The following TGFBR1 variants were observed in gnomAD, a reference collection of about 807,000 sequenced individuals.
The protein encoded by TGFBR1 is transforming growth factor beta receptor 1.
Under a neutral mutation model 55.1 loss-of-function variants are expected in TGFBR1, and 20 were observed. The ratio of observed to expected loss-of-function variants is 0.36; its 90% CI spans 0.26 to 0.53. The LOEUF (loss-of-function observed/expected upper bound fraction) is 0.53. Among genes scored for constraint, TGFBR1 ranks in the 20% least tolerant of loss-of-function variants. TGFBR1 has a pLI of 0.91. For missense variants in TGFBR1, 385 were observed against 617.6 expected (o/e 0.62, Z 3.99); for synonymous variants, 220 against 214.8 (o/e 1.02, Z -0.21).
chr9:99,139,990 T>C (rs1001703558), intron 4 of TGFBR1, among the ~76,000 whole-genome samples: 1 of 152,226 alleles, frequency 6.6e-6, no homozygotes, highest in African/African-American at 2.4e-5. Flanking sequence ...CTAAACCTAA[T>C]TGGAGTTTTA....
In TGFBR1 at chr9:99,151,583, T is replaced by C. The variant is rs1231865831; in HGVS notation, c.*2278T>C. On this transcript the variant is annotated 3_prime_UTR_variant, in exon 9 of 9. Coordinates refer to ENST00000374994, the MANE Select transcript of TGFBR1 (RefSeq NM_004612.4). ...CACTTTCATGTAAGGTTATCCACTT[T>C]TGCTGAAGATATTTTTTATTGAATC... The C allele has an allele frequency of 4.3e-6, 1 of 230,158 alleles. No individual in the cohort carries two copies. Among genetic ancestry groups the C allele is most frequent in the Non-Finnish European group, 8.6e-6 (1 of 116,078 alleles). 14.3% of individuals were successfully genotyped at this position (230,158 alleles called of 1,614,324 possible).
At chr9:99,145,503 G>A (rs1827764952) in intron 6 of TGFBR1, among the ~76,000 whole-genome samples, 1 of 152,214 alleles carries the variant, frequency 6.6e-6, no homozygotes, top group African/African-American at 2.4e-5. Context: ...TTAGGTGCAA[G>A]CTGCTTGAGA....
At chr9:99,140,785 T>C (rs1351594075) in intron 4 of TGFBR1, among the ~76,000 whole-genome samples, 1 of 152,216 alleles carries the variant, frequency 6.6e-6, no homozygotes, top group Admixed American at 6.5e-5. Context: ...CAAATCTCCA[T>C]TTGAAAGCTT....
Position 99,144,073 on chromosome 9 carries a change from G to A in TGFBR1, c.974-659G>A, listed in dbSNP as rs1051380917. 2.0e-5 allele frequency among the ~76,000 whole-genome samples: 3 copies of A among 152,138 alleles called. No homozygotes were observed. In the South Asian group the frequency reaches 6.2e-4, roughly 32 times the overall value. ...GATGGACATTTGGTTTGTTTCTTTTGGCCATTGTAGCTAATGCTGCAGTGA... is the reference window on the plus strand; with the variant it reads ...GATGGACATTTGGTTTGTTTCTTTTAGCCATTGTAGCTAATGCTGCAGTGA... On this transcript the variant is annotated intron_variant, in intron 5 of 8. Coordinates refer to ENST00000374994, the MANE Select transcript of TGFBR1 (RefSeq NM_004612.4).
Position 99,152,032 on chromosome 9 carries a change from T to A in TGFBR1, c.*2727T>A, listed in dbSNP as rs1827993971. The stretch of plus-strand genomic sequence containing the variant: ...CGACTTAGTGAGGCATAGACATCCC[T>A]GGTCCATCCTTTCTGTCTCCAGCTG... On this transcript the variant is annotated 3_prime_UTR_variant, in exon 9 of 9. Transcript: ENST00000374994. The A allele has an allele frequency of 5.0e-6, 1 of 199,726 alleles. No homozygotes were observed. Among genetic ancestry groups the A allele is most frequent in the Non-Finnish European group, 1.0e-5 (1 of 96,732 alleles). The allele number at this position is 199,726 out of a possible 1,614,324, so 12.4% of individuals were successfully genotyped here.
At chr9:99,134,721 G>A (rs534130990) in intron 3 of TGFBR1, among the ~76,000 whole-genome samples, 3 of 148,548 alleles carry the variant, frequency 2.0e-5, no homozygotes, top group South Asian at 2.1e-4. Flanking sequence ...TGGGTGGGTG[G>A]CAGTTGATTA....
At position 99,105,137 on chromosome 9, in the gene TGFBR1, C is replaced by G; in HGVS notation, c.-69C>G. Reference sequence around the variant, plus strand: ...CGGCGGCTAGGGAGGTGGGGCGAGGCGAGGTTTGCTGGGGTGAGGCAGCGG... The same window carrying G: ...CGGCGGCTAGGGAGGTGGGGCGAGGGGAGGTTTGCTGGGGTGAGGCAGCGG... On this transcript the variant is annotated 5_prime_UTR_variant, in exon 1 of 9. Transcript: ENST00000374994. 5 of 1,063,568 alleles carry G rather than the reference C, an allele frequency of 4.7e-6. No homozygotes were observed. Among genetic ancestry groups the G allele is most frequent in the Non-Finnish European group, 5.7e-6 (5 of 876,530 alleles). The allele number at this position is 1,063,568 out of a possible 1,614,324, so 65.9% of individuals were successfully genotyped here.
chr9:99,123,635 G>C (rs930648430), intron 1 of TGFBR1, among the ~76,000 whole-genome samples: 2 of 152,000 alleles, frequency 1.3e-5, no homozygotes, highest in African/African-American at 4.8e-5. Flanking sequence ...TGGTTTTTTG[G>C]TTTTCTTTTT....
At chr9:99,138,407 T>G (rs887070492) in intron 4 of TGFBR1, among the ~76,000 whole-genome samples, 1 of 152,216 alleles carries the variant, frequency 6.6e-6, no homozygotes, top group Non-Finnish European at 1.5e-5. Context: ...AGAAAAGATA[T>G]ATAAACTTGC....
At chr9:99,146,422 G>T (rs2118825665) in intron 6 of TGFBR1, 63 bp from the exon 7 acceptor site, 1 of 1,593,934 alleles carries the variant, frequency 6.3e-7, no homozygotes, top group South Asian at 1.1e-5. Context: ...TCTGAAAGGA[G>T]GTTCATCCAA....
At chr9:99,136,403 A>G (rs1386913474) in intron 3 of TGFBR1, among the ~76,000 whole-genome samples, 1 of 152,070 alleles carries the variant, frequency 6.6e-6, no homozygotes, top group African/African-American at 2.4e-5. Flanking sequence ...TGTCTTTGCA[A>G]TTTCCAGATT....
chr9:99,124,777 T>G (rs1465029042), intron 1 of TGFBR1, among the ~76,000 whole-genome samples: 1 of 152,218 alleles, frequency 6.6e-6, no homozygotes. Context: ...GTTATCTTGA[T>G]GTTTTTATTT....
chr9:99,103,758 G>A (rs1250841321), upstream of TGFBR1, among the ~76,000 whole-genome samples: 2 of 152,290 alleles, frequency 1.3e-5, no homozygotes, highest in South Asian at 2.1e-4. Context: ...GTCCTAGACA[G>A]GAGGGAGAAA....
At chr9:99,126,359 A>G (rs1458499362) in intron 1 of TGFBR1, among the ~76,000 whole-genome samples, 8 of 152,142 alleles carry the variant, frequency 5.3e-5, no homozygotes, top group Admixed American at 3.9e-4. Context: ...AATATTTTTT[A>G]TGTATAGCGG....
In TGFBR1 at chr9:99,141,563, G is replaced by A. The variant is rs1021526626; in HGVS notation, c.806-973G>A. Among the ~76,000 whole-genome samples, 5 of 152,240 alleles carry A rather than the reference G, an allele frequency of 3.3e-5. No homozygotes were observed. In the East Asian group the frequency reaches 9.6e-4, roughly 29 times the overall value. On this transcript the variant is annotated intron_variant, in intron 4 of 8. Transcript: ENST00000374994. ...TCTTACAAAGTAAGACTTTATTCTT[G>A]TATAAAAGGAGAAACAGGCTCCTTG...
rs11568786 is a variant in TGFBR1 at position 99,143,566 on chromosome 9, C to T, written c.973+863C>T. On this transcript the variant is annotated intron_variant, in intron 5 of 8. Transcript: ENST00000374994. Reference sequence around the variant, plus strand: ...CTTGCAACCCAATGGCTCCCCCACTCCCCACTTTACATACAGCATAAGTGC... The same window carrying T: ...CTTGCAACCCAATGGCTCCCCCACTTCCCACTTTACATACAGCATAAGTGC... Among the ~76,000 whole-genome samples, 948 of 152,316 alleles carry T rather than the reference C, an allele frequency of 6.2e-3. 9 individuals carry two copies. Among genetic ancestry groups the T allele is most frequent in the African/African-American group, 0.022 (906 of 41,562 alleles).
chr9:99,139,418 T>C (rs553576482), intron 4 of TGFBR1, among the ~76,000 whole-genome samples: 2 of 152,330 alleles, frequency 1.3e-5, no homozygotes, highest in South Asian at 2.1e-4. Context: ...TTTTTTGTTA[T>C]TGACTTTTAT....
intron 3 of TGFBR1, among the ~76,000 whole-genome samples, chr9:99,134,847 TA>T (rs1827383302): frequency 8.2e-6 from 1 of 122,392 alleles, no homozygotes; most frequent in African/African-American, 3.0e-5. Flanking sequence ...TATATATATA[TA>T]TATATTTCTA....
chr9:99,128,038 A>G (rs1447652962), intron 1 of TGFBR1: 1 of 455,894 alleles, frequency 2.2e-6, no homozygotes, highest in South Asian at 1.5e-5. Context: ...ACTTAACTTC[A>G]TCAGAGAGCA....
Sources: gnomAD v4.1 joint callset for allele counts (sites outside exome capture counted in the v4.1 genomes callset) on GRCh38, gnomAD v4.1.1 for gene constraint, MANE v1.5 for transcripts, NCBI Gene and HGNC (gene_info 2026-07-23, HGNC 2026-07-21) for gene names.